The following AHSA1 variants were observed in gnomAD, a reference collection of about 807,000 sequenced individuals.
AHSA1 encodes activator of 90 kDa heat shock protein ATPase homolog 1.
A neutral mutation model predicts 46.1 loss-of-function variants in AHSA1; 14 were observed. That is an observed-to-expected ratio of 0.30 (90% CI 0.20 to 0.47). AHSA1 has a LOEUF of 0.47. Ranked by LOEUF, AHSA1 falls within the 20% of genes least tolerant of loss-of-function variation. The pLI is 0.99. For synonymous variants in AHSA1, 147 were observed against 145.8 expected, an observed-to-expected ratio of 1.01 and a Z score of -0.06; for missense variants, 333 against 415.9, an observed-to-expected ratio of 0.80 and a Z score of 1.73.
intron 6 of AHSA1, 69 bp downstream of exon 6, chr14:77,465,736 C>CCCTTCAGCAGT (rs1555369634): frequency 1.3e-6 from 2 of 1,546,176 alleles, no homozygotes; most frequent in Non-Finnish European, 1.8e-6. Flanking sequence ...GGGGGCATAT[C>CCCTTCAGCAGT]CCTTCAGCAG....
In AHSA1 at chr14:77,469,337, C is replaced by T; in HGVS notation, c.*88C>T. 3 of 1,509,450 alleles carry T rather than the reference C, an allele frequency of 2.0e-6. No homozygotes were observed. Among genetic ancestry groups the T allele is most frequent in the Non-Finnish European group, 2.7e-6 (3 of 1,121,444 alleles). 93.5% of individuals were successfully genotyped at this position (1,509,450 alleles called of 1,614,324 possible). ...TTGCGACTCACAGGATTGCATCGTC[C>T]CAGCTGCTAACTTGGGGCCGGGGCC... On this transcript the variant is annotated 3_prime_UTR_variant, in exon 9 of 9. Coordinates refer to ENST00000216479, the MANE Select transcript of AHSA1 (RefSeq NM_012111.3).
intron 3 of AHSA1, 96 bp from the exon 4 acceptor site, chr14:77,462,546 G>A (rs1478331905): frequency 7.0e-6 from 8 of 1,142,674 alleles, no homozygotes; most frequent in Middle Eastern, 2.0e-4. Context: ...CATTTCCTTT[G>A]GAAATGTCAG....
chr14:77,465,018 T>C lies in AHSA1; in HGVS notation c.561+332T>C, dbSNP rs149969109. ...CTTCAGTCTAATTGGTGTGTTGATATTTCATACTTTGATATTAGAGGTCCC... is the reference window on the plus strand; with the variant it reads ...CTTCAGTCTAATTGGTGTGTTGATACTTCATACTTTGATATTAGAGGTCCC... On this transcript the variant is annotated intron_variant, in intron 5 of 8. Transcript: ENST00000216479. Among the ~76,000 whole-genome samples the C allele has an allele frequency of 1.9e-4, 29 of 152,310 alleles. No individual in the cohort carries two copies. The East Asian group carries it at 5.2e-3, about 27-fold the overall frequency.
chr14:77,464,543 C>A (rs1332809696), intron 4 of AHSA1, 55 bp from the exon 5 acceptor site: 1 of 1,457,650 alleles, frequency 6.9e-7, no homozygotes, highest in Non-Finnish European at 9.5e-7. Flanking sequence ...TAATGAAACT[C>A]CAGATCTCAG....
chr14:77,464,786 C>T, intron 5 of AHSA1, 100 bp downstream of exon 5: 1 of 1,009,346 alleles, frequency 9.9e-7, no homozygotes, highest in East Asian at 2.6e-5. Flanking sequence ...AACCTCTAAG[C>T]CAGACCAGCC....
intron 5 of AHSA1, 94 bp from the exon 6 acceptor site, chr14:77,465,445 T>G (rs2079043742): frequency 7.0e-7 from 1 of 1,418,452 alleles, no homozygotes; most frequent in East Asian, 2.3e-5. Flanking sequence ...GTGAACATTT[T>G]TATGAGAATG....
In AHSA1 at chr14:77,467,743, G is replaced by A. The variant is rs1012906194; in HGVS notation, c.691-340G>A. On this transcript the variant is annotated intron_variant, in intron 6 of 8. Transcript: ENST00000216479. ...TAAAAGATGGAATAGATCTATTTTG[G>A]GACATGTTCTCAGAAATGATAATAG... 2.6e-5 allele frequency among the ~76,000 whole-genome samples: 4 copies of A among 152,154 alleles called. No homozygotes were observed. In the East Asian group the frequency reaches 7.7e-4, roughly 29 times the overall value.
intron 7 of AHSA1, 81 bp from the exon 8 acceptor site, chr14:77,468,376 A>G: frequency 2.9e-6 from 4 of 1,371,142 alleles, no homozygotes; most frequent in Non-Finnish European, 4.1e-6. Flanking sequence ...TAGACTCCGT[A>G]TGAAGGGCAG....
intron 4 of AHSA1, 23 bp downstream of exon 4, chr14:77,462,782 T>C (rs200291067): frequency 6.3e-7 from 1 of 1,594,736 alleles, no homozygotes; most frequent in African/African-American, 1.3e-5. Flanking sequence ...TAGTTCTGTA[T>C]GCCTTAAGGA....
At chr14:77,462,289 T>G in intron 3 of AHSA1, 47 bp downstream of exon 3, 1 of 1,542,390 alleles carries the variant, frequency 6.5e-7, no homozygotes, top group African/African-American at 1.4e-5. Flanking sequence ...ATCCTCTTAT[T>G]CTCAGATGAG....
intron 1 of AHSA1, among the ~76,000 whole-genome samples, chr14:77,458,896 T>C (rs888193993): frequency 3.9e-5 from 6 of 152,226 alleles, no homozygotes; most frequent in African/African-American, 7.2e-5. Flanking sequence ...CAAAGTAATA[T>C]TAGTTTCCTT....
At chr14:77,458,549 C>T (rs1335501623) in intron 1 of AHSA1, among the ~76,000 whole-genome samples, 1 of 152,236 alleles carries the variant, frequency 6.6e-6, no homozygotes, top group African/African-American at 2.4e-5. Context: ...GCATCCAGCC[C>T]GAGCAGGGAG....
Position 77,468,073 on chromosome 14 carries a change from TTC to T in AHSA1, c.691-9_691-8del. ...CCTCTTTTTTTTTTTTTTTTTTTTT[TTC>T]CCTGCAGCTGGTGCAGGCCTTTACC... On this transcript the variant is annotated splice_region_variant and splice_polypyrimidine_tract_variant and intron_variant, in intron 6 of 8. Coordinates refer to ENST00000216479, the MANE Select transcript of AHSA1 (RefSeq NM_012111.3). 2.2e-6 allele frequency: 3 copies of T among 1,379,534 alleles called. No homozygotes were observed. The highest frequency in any genetic ancestry group is 1.5e-5 in the African/African-American group (1 of 66,030). 85.5% of individuals were successfully genotyped at this position (1,379,534 alleles called of 1,614,324 possible).
At chr14:77,460,618 T>TGCCAG (rs2079018008) in intron 2 of AHSA1, among the ~76,000 whole-genome samples, 1 of 149,836 alleles carries the variant, frequency 6.7e-6, no homozygotes, top group African/African-American at 2.5e-5. Context: ...CAGGCTGGAG[T>TGCCAG]GCAGTGGCAC....
At chr14:77,468,050 T>TC in intron 6 of AHSA1, 33 bp from the exon 7 acceptor site, 3 of 641,152 alleles carry the variant, frequency 4.7e-6, no homozygotes, top group Non-Finnish European at 6.7e-6. Context: ...ATCTTCTGCC[T>TC]CTTTTTTTTT....
Position 77,462,641 on chromosome 14 carries a change from G to T in AHSA1, c.355-1G>T. The T allele has an allele frequency of 6.2e-7, 1 of 1,613,864 alleles. No homozygotes were observed. The highest frequency in any genetic ancestry group is 8.5e-7 in the Non-Finnish European group (1 of 1,179,756). On this transcript the variant is annotated splice_acceptor_variant, in intron 3 of 8. Transcript: ENST00000216479. LOFTEE classifies it high-confidence loss of function. The stretch of plus-strand genomic sequence containing the variant: ...CCACCTACTTCTCATCTTTCACCCA[G>T]ATTAGTGTGAGCCTTGCCAAAGATG...
chr14:77,465,409 A>G, intron 5 of AHSA1, 130 bp from the exon 6 acceptor site: 1 of 1,066,554 alleles, frequency 9.4e-7, no homozygotes, highest in Non-Finnish European at 1.3e-6. Flanking sequence ...TTCCCTTCAA[A>G]CCCCTTGGAA....
chr14:77,465,304 A>G (rs2079043202), intron 5 of AHSA1, among the ~76,000 whole-genome samples: 1 of 152,246 alleles, frequency 6.6e-6, no homozygotes, highest in Admixed American at 6.5e-5. Context: ...TTATTTGACT[A>G]TCAGGGTCTT....
chr14:77,462,607 A>G (rs761173832), intron 3 of AHSA1, 35 bp from the exon 4 acceptor site: 2 of 1,599,754 alleles, frequency 1.3e-6, no homozygotes, highest in Admixed American at 3.3e-5. Flanking sequence ...GTGCCCCTCA[A>G]GTTATTTACC....
Sources: allele counts gnomAD v4.1 joint callset (sites outside exome capture counted in the v4.1 genomes callset), GRCh38; gene constraint gnomAD v4.1.1; transcripts MANE v1.5; gene names NCBI Gene and HGNC (gene_info 2026-07-23, HGNC 2026-07-21).